The following ARHGAP8 variants were observed in gnomAD, a reference collection of about 807,000 sequenced individuals.
ARHGAP8 encodes the protein Rho GTPase activating protein 8, also known as rho GTPase-activating protein 8.
Under a neutral mutation model 46.1 loss-of-function variants are expected in ARHGAP8, and 62 were observed. That is an observed-to-expected ratio of 1.34 (90% CI 1.10 to 1.66). ARHGAP8 has a LOEUF of 1.66. ARHGAP8 is among the 40% of genes most tolerant of loss of function. ARHGAP8 has a pLI of 0.00. For synonymous variants in ARHGAP8, 375 were observed against 243.1 expected, an observed-to-expected ratio of 1.54 and a Z score of -5.05; for missense variants, 923 against 568.4, an observed-to-expected ratio of 1.62 and a Z score of -6.34.
At chr22:44,787,041 A>AAAAAAAG (rs1927304670) in intron 2 of ARHGAP8, among the ~76,000 whole-genome samples, 1 of 147,906 alleles carries the variant, frequency 6.8e-6, no homozygotes, top group Non-Finnish European at 1.5e-5. Context: ...AAAAAACAAA[A>AAAAAAAG]AAAAAAAAAA....
rs549746206 is a variant in ARHGAP8, at chr22:44,860,404, C to T, written c.981+570C>T. ...CTCTCCCAGCTCCTGGTCACTCCAG[C>T]TATGCCTCCAGCTCCCCCCTGGCCT... On this transcript the variant is annotated intron_variant, in intron 11 of 11. Transcript: ENST00000356099. 2.6e-5 allele frequency among the ~76,000 whole-genome samples: 4 copies of T among 152,140 alleles called. No homozygotes were observed. In the East Asian group the frequency reaches 5.8e-4, roughly 22 times the overall value.
chr22:44,762,487 C>T (rs1008987437), intron 1 of ARHGAP8, among the ~76,000 whole-genome samples: 1 of 151,550 alleles, frequency 6.6e-6, no homozygotes, highest in African/African-American at 2.4e-5. Flanking sequence ...CCTGGCAGAG[C>T]TCCTAAAACC....
intron 3 of ARHGAP8, among the ~76,000 whole-genome samples, chr22:44,806,871 C>T (rs527343898): frequency 4.6e-5 from 7 of 150,898 alleles, no homozygotes; most frequent in South Asian, 2.1e-4. Flanking sequence ...GGCTGAGGCA[C>T]GAGAACGGCG....
chr22:44,855,964 G>A (rs976142552), intron 10 of ARHGAP8, among the ~76,000 whole-genome samples: 8 of 152,306 alleles, frequency 5.3e-5, no homozygotes, highest in Admixed American at 3.3e-4. Context: ...CAATTATGAC[G>A]GAGGGCAAAG....
At chr22:44,856,466 G>T (rs180816888) in intron 10 of ARHGAP8, among the ~76,000 whole-genome samples, 14 of 151,964 alleles carry the variant, frequency 9.2e-5, no homozygotes, top group Admixed American at 7.2e-4. Context: ...TAGAGACGGG[G>T]TTTCACCGTG....
intron 10 of ARHGAP8, among the ~76,000 whole-genome samples, chr22:44,856,196 A>G (rs562192829): frequency 1.3e-5 from 2 of 150,972 alleles, no homozygotes; most frequent in East Asian, 2.0e-4. Flanking sequence ...TTTACAGGCA[A>G]CATCATCCAA....
At chr22:44,789,036 A>T (rs1366783962) in intron 2 of ARHGAP8, among the ~76,000 whole-genome samples, 1 of 152,212 alleles carries the variant, frequency 6.6e-6, no homozygotes, top group Non-Finnish European at 1.5e-5. Context: ...GTCTGCTCTC[A>T]GTTACTAATG....
intron 1 of ARHGAP8, among the ~76,000 whole-genome samples, chr22:44,772,881 C>CAATCAT (rs1389802836): frequency 6.9e-6 from 1 of 144,642 alleles, no homozygotes; most frequent in Non-Finnish European, 1.5e-5. Context: ...TGCCGTGGTG[C>CAATCAT]AATCATGTCT....
chr22:44,796,651 C>G (rs1928109090), intron 2 of ARHGAP8, among the ~76,000 whole-genome samples: 1 of 152,042 alleles, frequency 6.6e-6, no homozygotes, highest in African/African-American at 2.4e-5. Flanking sequence ...GATGATGGGC[C>G]CAAAGGGGAG....
At chr22:44,861,418 G>T (rs1199748511) in intron 11 of ARHGAP8, among the ~76,000 whole-genome samples, 2 of 152,220 alleles carry the variant, frequency 1.3e-5, no homozygotes, top group Non-Finnish European at 2.9e-5. Context: ...GGGGTGGCCT[G>T]CAGTGGGCCT....
chr22:44,862,137 T>G (rs948460903), intron 11 of ARHGAP8, 138 bp from the exon 12 acceptor site: 2 of 1,023,040 alleles, frequency 2.0e-6, no homozygotes, highest in Non-Finnish European at 2.7e-6. Flanking sequence ...CTGCACAGGG[T>G]CCCCATTACT....
At chr22:44,828,061 C>T (rs938187643) in intron 7 of ARHGAP8, among the ~76,000 whole-genome samples, 2 of 152,182 alleles carry the variant, frequency 1.3e-5, no homozygotes, top group African/African-American at 2.4e-5. Flanking sequence ...ACTTGACTGT[C>T]GTACTGCACT....
chr22:44,805,711 C>G (rs1174076697), intron 3 of ARHGAP8, among the ~76,000 whole-genome samples: 1 of 152,206 alleles, frequency 6.6e-6, no homozygotes, highest in Non-Finnish European at 1.5e-5. Flanking sequence ...TGCAAAGGTG[C>G]TCTGTGGGCT....
chr22:44,831,453 T>G (rs1370099771), intron 7 of ARHGAP8, among the ~76,000 whole-genome samples: 2 of 152,116 alleles, frequency 1.3e-5, no homozygotes, highest in Non-Finnish European at 1.5e-5. Flanking sequence ...CCCAGCACTT[T>G]GGGAGGCTGA....
chr22:44,808,554 G>T, intron 4 of ARHGAP8, 116 bp downstream of exon 4: 1 of 1,514,080 alleles, frequency 6.6e-7, no homozygotes. Context: ...GTAGGGCGGA[G>T]GGTGGAGGGT....
intron 4 of ARHGAP8, among the ~76,000 whole-genome samples, chr22:44,813,399 CA>C (rs1569158208): frequency 3.7e-5 from 5 of 134,862 alleles, no homozygotes; most frequent in Non-Finnish European, 6.2e-5. Flanking sequence ...TACATACACC[CA>C]CATACAGACA....
intron 1 of ARHGAP8, chr22:44,777,278 C>G (rs977985591): frequency 6.6e-6 from 1 of 152,018 alleles, no homozygotes; most frequent in African/African-American, 2.4e-5. Flanking sequence ...CAGACCCTGG[C>G]GGCTGACTCC....
At chr22:44,856,222 C>G (rs1036229372) in intron 10 of ARHGAP8, among the ~76,000 whole-genome samples, 1 of 147,634 alleles carries the variant, frequency 6.8e-6, no homozygotes, top group Non-Finnish European at 1.5e-5. Context: ...CAGAGTGCAG[C>G]TCACATTACT....
At chr22:44,836,923 G>A (rs1199041172) in intron 7 of ARHGAP8, among the ~76,000 whole-genome samples, 2 of 152,108 alleles carry the variant, frequency 1.3e-5, no homozygotes, top group African/African-American at 2.4e-5. Flanking sequence ...CTGTCACCCA[G>A]GTTGGAGTGC....
Sources: allele counts gnomAD v4.1 joint callset (sites outside exome capture counted in the v4.1 genomes callset), GRCh38; gene constraint gnomAD v4.1.1; transcripts MANE v1.5; gene names NCBI Gene and HGNC (gene_info 2026-07-23, HGNC 2026-07-21).